Variants in SYNPO2 observed in about 807,000 individuals in gnomAD.
SYNPO2 encodes the protein synaptopodin 2, also known as synaptopodin-2.
SYNPO2 carries 56 observed loss-of-function variants against 85.0 expected under a neutral mutation model. That is an observed-to-expected ratio of 0.66 (90% CI 0.53 to 0.82). SYNPO2 has a LOEUF of 0.82. SYNPO2 is among the 40% of genes least tolerant of loss of function. The pLI is 0.00. For missense variants in SYNPO2, 1,575 were observed against 1,534.2 expected (o/e 1.03, Z -0.44); for synonymous variants, 602 against 591.1 (o/e 1.02, Z -0.27).
intron 4 of SYNPO2, among the ~76,000 whole-genome samples, chr4:119,046,609 C>A (rs1349885635): frequency 6.6e-6 from 1 of 152,196 alleles, no homozygotes; most frequent in African/African-American, 2.4e-5. Context: ...CCCACAATAA[C>A]AAAAATAATC....
intron 1 of SYNPO2, among the ~76,000 whole-genome samples, chr4:119,007,620 C>G (rs1206456745): frequency 1.3e-5 from 2 of 152,092 alleles, no homozygotes; most frequent in African/African-American, 4.8e-5. Context: ...ACCAAATCCA[C>G]ATTGCACTCA....
intron 1 of SYNPO2, among the ~76,000 whole-genome samples, chr4:118,989,000 A>T (rs1007626382): frequency 1.3e-4 from 20 of 152,230 alleles, no homozygotes; most frequent in African/African-American, 4.3e-4. Context: ...AGTTAAAACA[A>T]CAAAAAAAGA....
At chr4:118,862,795 T>G (rs1731632875) in intron 1 of SYNPO2, among the ~76,000 whole-genome samples, 1 of 152,022 alleles carries the variant, frequency 6.6e-6, no homozygotes, top group Non-Finnish European at 1.5e-5. Context: ...TTTCTTTTCT[T>G]TCTTTCTTTC....
chr4:119,027,357 T>C lies in SYNPO2; in HGVS notation c.988T>C (p.Ser330Pro), dbSNP rs200870694. Residue 330 changes from serine to proline, a missense_variant, in exon 3 of 5, where the codon TCA becomes CCA. Transcript: ENST00000307142. ...PPSLVSFAVS[S>P]EGTEQGEDPR... is the part of the protein sequence containing the mutation. ...TTCTCTGGTATCCTTTGCCGTCTCA[T>C]CAGAAGGCACAGAGCAGGGAGAAGA... 3.1e-6 allele frequency: 5 copies of C among 1,613,830 alleles called. No individual in the cohort carries two copies. The South Asian group carries it at 5.5e-5, about 18-fold the overall frequency.
chr4:118,900,663 T>TTCTCTCTCTCTCTC (rs376467151), intron 1 of SYNPO2, among the ~76,000 whole-genome samples: 21 of 77,554 alleles, frequency 2.7e-4, no homozygotes, highest in African/African-American at 4.2e-4. Flanking sequence ...TAGAATCTCT[T>TTCTCTCTCTCTCTC]TCTCTCTCTC....
chr4:118,956,194 G>A (rs920323269), intron 1 of SYNPO2, among the ~76,000 whole-genome samples: 6 of 152,158 alleles, frequency 3.9e-5, no homozygotes, highest in Non-Finnish European at 8.8e-5. Context: ...AATAAGAACT[G>A]ATTTTAAAGA....
chr4:119,029,111 G>A (rs1408859990), intron 3 of SYNPO2, among the ~76,000 whole-genome samples: 1 of 151,918 alleles, frequency 6.6e-6, no homozygotes, highest in Non-Finnish European at 1.5e-5. Context: ...TTCCAAAATA[G>A]CAATACATTT....
intron 1 of SYNPO2, among the ~76,000 whole-genome samples, chr4:118,851,305 C>T (rs56227053): frequency 0.041 from 6,265 of 152,176 alleles, 199 homozygotes; most frequent in Non-Finnish European, 0.064. Context: ...CTGACCAACA[C>T]GGAGAAACCC....
At chr4:118,858,488 C>T (rs548184589) in intron 1 of SYNPO2, among the ~76,000 whole-genome samples, 71 of 152,192 alleles carry the variant, frequency 4.7e-4, no homozygotes, top group Non-Finnish European at 8.8e-4. Context: ...CTAGCCTTCC[C>T]GTGTCTAAGC....
intron 1 of SYNPO2, among the ~76,000 whole-genome samples, chr4:118,897,645 TATA>T (rs1276432510): frequency 6.6e-6 from 1 of 152,182 alleles, no homozygotes; most frequent in Non-Finnish European, 1.5e-5. Context: ...ACCTTTTAAA[TATA>T]ATGACAGAAC....
intron 1 of SYNPO2, among the ~76,000 whole-genome samples, chr4:118,955,159 C>T (rs899972856): frequency 2.0e-5 from 3 of 152,062 alleles, no homozygotes; most frequent in Admixed American, 6.6e-5. Flanking sequence ...ACCACCACAC[C>T]TGGGTAACGT....
intron 1 of SYNPO2, among the ~76,000 whole-genome samples, chr4:118,879,471 C>A (rs546712757): frequency 6.6e-6 from 1 of 152,052 alleles, no homozygotes; most frequent in African/African-American, 2.4e-5. Flanking sequence ...CCCTGTAAGA[C>A]GAGAGACACA....
intron 1 of SYNPO2, among the ~76,000 whole-genome samples, chr4:118,926,189 G>A (rs1013434906): frequency 6.6e-6 from 1 of 152,128 alleles, no homozygotes; most frequent in African/African-American, 2.4e-5. Context: ...GTGCTAGAGA[G>A]GCAGGCAGAG....
chr4:119,036,426 TGACACTTTGG>T, intron 4 of SYNPO2: 1 of 985,464 alleles, frequency 1.0e-6, no homozygotes, highest in Non-Finnish European at 1.2e-6. Context: ...AAGATGCCTG[TGACACTTTGG>T]TGTTGCCGAG....
intron 1 of SYNPO2, among the ~76,000 whole-genome samples, chr4:119,008,525 T>C (rs936393565): frequency 2.0e-5 from 3 of 152,036 alleles, no homozygotes; most frequent in African/African-American, 4.8e-5. Flanking sequence ...AATTATGATA[T>C]GTTATTATAA....
chr4:119,012,079 C>T (rs767150054), intron 1 of SYNPO2, among the ~76,000 whole-genome samples: 30 of 152,002 alleles, frequency 2.0e-4, no homozygotes, highest in African/African-American at 5.3e-4. Flanking sequence ...CCTGCCACCA[C>T]GTCTGGCTAA....
At chr4:118,954,154 CTTTCA>C (rs1316857389) in intron 1 of SYNPO2, among the ~76,000 whole-genome samples, 7 of 152,142 alleles carry the variant, frequency 4.6e-5, no homozygotes, top group Non-Finnish European at 1.0e-4. Flanking sequence ...CAAAGCTGTA[CTTTCA>C]TTTCAGTTTT....
chr4:118,987,731 T>G (rs1413586805), intron 1 of SYNPO2, among the ~76,000 whole-genome samples: 2 of 152,156 alleles, frequency 1.3e-5, no homozygotes, highest in Non-Finnish European at 2.9e-5. Flanking sequence ...GAAAGTAGAA[T>G]GAGAATTGTA....
chr4:118,979,595 C>T lies in SYNPO2; in HGVS notation c.106-43835C>T, dbSNP rs1560939557. On this transcript the variant is annotated intron_variant, in intron 1 of 4. Coordinates refer to ENST00000307142, the MANE Select transcript of SYNPO2 (RefSeq NM_133477.3). ...CTTTGTATTTCCGTACTGTTTATGA[C>T]AATGTCTTGCCAATGATATGTGCTC... is the stretch of plus-strand genomic sequence containing the variant. Among the ~76,000 whole-genome samples the T allele has an allele frequency of 2.0e-5, 3 of 152,336 alleles. No homozygotes were observed. In the East Asian group the frequency reaches 5.8e-4, roughly 29 times the overall value.
Sources: gnomAD v4.1 joint callset for allele counts (sites outside exome capture counted in the v4.1 genomes callset) on GRCh38, gnomAD v4.1.1 for gene constraint, MANE v1.5 for transcripts, NCBI Gene and HGNC (gene_info 2026-07-23, HGNC 2026-07-21) for gene names.